AGO3: variants seen among roughly 807,000 people sequenced by gnomAD.
AGO3 encodes protein argonaute-3.
A neutral mutation model predicts 105.5 loss-of-function variants in AGO3; 16 were observed. The observed-to-expected ratio is 0.15, with a 90% confidence interval of 0.10 to 0.23. AGO3 has a LOEUF of 0.23. Among genes scored for constraint, AGO3 ranks in the 10% least tolerant of loss-of-function variants. AGO3 has a pLI of 1.00. For synonymous variants in AGO3, 340 were observed against 367.3 expected, an observed-to-expected ratio of 0.93 and a Z score of 0.85; for missense variants, 534 against 1,088.0, an observed-to-expected ratio of 0.49 and a Z score of 7.16.
At position 36,060,114 on chromosome 1, in the gene AGO3, G is replaced by C. The variant is rs1643011718; in HGVS notation, c.*4369G>C. On this transcript the variant is annotated 3_prime_UTR_variant, in exon 19 of 19. Transcript: ENST00000373191. The stretch of plus-strand genomic sequence containing the variant: ...CAGGGATTCTAGTAGGAATTACTGA[G>C]TGTTTTGGAAGGCACTTGATAGAGG... 1 of 152,180 alleles carries C rather than the reference G, an allele frequency of 6.6e-6. No homozygotes were observed. Among genetic ancestry groups the C allele is most frequent in the Admixed American group, 6.5e-5 (1 of 15,272 alleles). 9.4% of individuals were successfully genotyped at this position (152,180 alleles called of 1,614,324 possible). A position where few individuals can be genotyped will look rare whatever the true frequency, so the allele number is the denominator to read the frequency against.
intron 3 of AGO3, among the ~76,000 whole-genome samples, chr1:35,970,984 C>A (rs1344333270): frequency 6.8e-6 from 1 of 147,040 alleles, no homozygotes; most frequent in African/African-American, 2.5e-5. Context: ...GCCTCAGCGT[C>A]CCAAAGTGCT....
In AGO3 at chr1:35,945,778, T is replaced by A; in HGVS notation, c.106T>A (p.Cys36Ser). The change falls in exon 2 of 19, where the codon TGT becomes AGT. Residue 36 changes from cysteine to serine, a missense_variant. By Grantham distance (112) the Cys-to-Ser change is moderately radical. Coordinates refer to ENST00000373191, the MANE Select transcript of AGO3 (RefSeq NM_024852.4). Reference protein sequence around the residue: ...MGKPIKLLANCFQVEIPKIDV... With the variant: ...MGKPIKLLANSFQVEIPKIDV... The stretch of plus-strand genomic sequence containing the variant: ...CAAACCCATTAAACTGCTGGCTAAC[T>A]GTTTTCAAGTTGAAATCCCAAAGAT... The A allele has an allele frequency of 6.2e-7, 1 of 1,613,770 alleles. No homozygotes were observed. Among genetic ancestry groups the A allele is most frequent in the Non-Finnish European group, 8.5e-7 (1 of 1,180,002 alleles).
chr1:35,967,570 A>T (rs1161553375), intron 3 of AGO3, among the ~76,000 whole-genome samples: 1 of 151,206 alleles, frequency 6.6e-6, no homozygotes, highest in East Asian at 1.9e-4. Flanking sequence ...ACGTGCTACC[A>T]CTCTTGGCTA....
In AGO3 at chr1:36,003,710, ATATATATATAT is replaced by A. The variant is rs1252408155; in HGVS notation, c.659-630_659-620del. 8.8e-5 allele frequency among the ~76,000 whole-genome samples: 7 copies of A among 79,296 alleles called. No individual in the cohort carries two copies. The South Asian group carries it at 1.3e-3, about 15-fold the overall frequency. The allele number at this position is 79,296 out of a possible 152,430, so 52.0% of individuals were successfully genotyped here. A position where few individuals can be genotyped will look rare whatever the true frequency, so the allele number is the denominator to read the frequency against. On this transcript the variant is annotated intron_variant, in intron 5 of 18. Transcript: ENST00000373191. ...AGTCTGTCTCAAAAAAAAAAAAAAA[ATATATATATAT>A]ATATATATATATATATATGTATATT...
At chr1:35,973,236 A>G in intron 4 of AGO3, 139 bp from the exon 5 acceptor site, 1 of 993,446 alleles carries the variant, frequency 1.0e-6, no homozygotes, top group Non-Finnish European at 1.3e-6. Flanking sequence ...TGCTTTCTCA[A>G]ATTTGGAACA....
chr1:36,020,603 A>G (rs1458008906), intron 11 of AGO3, among the ~76,000 whole-genome samples: 7 of 152,042 alleles, frequency 4.6e-5, no homozygotes, highest in Non-Finnish European at 8.8e-5. Flanking sequence ...AATAACTGCC[A>G]TACATTTATT....
chr1:35,977,081 A>G (rs996942318), intron 5 of AGO3, among the ~76,000 whole-genome samples: 2 of 151,924 alleles, frequency 1.3e-5, no homozygotes, highest in Non-Finnish European at 2.9e-5. Context: ...TTTATCGTAC[A>G]ATTAAAAATA....
At chr1:36,037,453 G>T (rs940946814) in intron 14 of AGO3, among the ~76,000 whole-genome samples, 1 of 152,096 alleles carries the variant, frequency 6.6e-6, no homozygotes, top group Non-Finnish European at 1.5e-5. Flanking sequence ...CTCGGGAGGC[G>T]GAGGTTGCAG....
chr1:36,045,745 G>T (rs529312663), intron 17 of AGO3, among the ~76,000 whole-genome samples: 1 of 152,184 alleles, frequency 6.6e-6, no homozygotes, highest in African/African-American at 2.4e-5. Flanking sequence ...GTTTCACCAT[G>T]TTGGCCAGGA....
intron 17 of AGO3, 28 bp downstream of exon 17, chr1:36,043,576 T>G: frequency 6.6e-7 from 1 of 1,522,824 alleles, no homozygotes; most frequent in South Asian, 1.2e-5. Context: ...GTAAAATATT[T>G]TAATTCAAGA....
intron 12 of AGO3, among the ~76,000 whole-genome samples, chr1:36,032,009 G>A (rs915726236): frequency 3.9e-5 from 6 of 152,094 alleles, no homozygotes; most frequent in Non-Finnish European, 8.8e-5. Context: ...ATGCTGCTAT[G>A]AACATAGGTG....
chr1:36,003,709 A>AAAAAAAAATAT (rs1295618675), intron 5 of AGO3, among the ~76,000 whole-genome samples: 37 of 99,430 alleles, frequency 3.7e-4, no homozygotes, highest in South Asian at 7.6e-4. Context: ...AAAAAAAAAA[A>AAAAAAAAATAT]ATATATATAT....
chr1:36,054,198 T>C (rs1236651810), intron 17 of AGO3, among the ~76,000 whole-genome samples: 1 of 152,146 alleles, frequency 6.6e-6, no homozygotes. Flanking sequence ...AAATAACCAA[T>C]AATATTTCAC....
intron 5 of AGO3, among the ~76,000 whole-genome samples, chr1:35,977,382 GTTA>G (rs1646972916): frequency 6.9e-6 from 1 of 145,340 alleles, no homozygotes; most frequent in South Asian, 2.2e-4. Flanking sequence ...AGTTTCTATC[GTTA>G]TTATGATTTT....
Position 36,055,685 on chromosome 1 carries a change from A to G in AGO3, c.2523A>G (p.Gln841=). 1.9e-6 allele frequency: 3 copies of G among 1,613,618 alleles called. No individual in the cohort carries two copies. The highest frequency in any genetic ancestry group is 2.5e-6 in the Non-Finnish European group (3 of 1,179,782). The part of the protein sequence containing the change: ...VSGQSNGRDP[Q]ALAKAVQIHQ... ...GACAAAGCAATGGGCGAGATCCACA[A>G]GCTCTTGCCAAGGCTGTACAGATTC... is the stretch of plus-strand genomic sequence containing the variant. Residue 841 remains glutamine, a synonymous_variant, in exon 19 of 19, where the codon CAA becomes CAG. Transcript: ENST00000373191. This position sits in a 1 kb window ranked among gnomAD's most constrained non-coding sequence, Gnocchi z 4.4.
intron 12 of AGO3, among the ~76,000 whole-genome samples, chr1:36,033,385 A>G (rs1641868730): frequency 6.6e-6 from 1 of 151,508 alleles, no homozygotes; most frequent in African/African-American, 2.4e-5. Flanking sequence ...CTTGCCTGTA[A>G]TCCCAACACT....
intron 5 of AGO3, among the ~76,000 whole-genome samples, chr1:35,989,736 G>A (rs867984823): frequency 3.3e-5 from 5 of 151,932 alleles, no homozygotes; most frequent in Non-Finnish European, 7.4e-5. Flanking sequence ...TTAGCCAGGC[G>A]TGATAGCATG....
intron 8 of AGO3, 163 bp from the exon 9 acceptor site, chr1:36,009,312 T>C: frequency 1.1e-6 from 1 of 872,390 alleles, no homozygotes; most frequent in South Asian, 2.2e-5. Context: ...TTATACTTAA[T>C]TACTGTAGAG....
intron 5 of AGO3, among the ~76,000 whole-genome samples, chr1:35,987,333 A>C (rs914751699): frequency 6.6e-6 from 1 of 151,318 alleles, no homozygotes; most frequent in African/African-American, 2.4e-5. Context: ...GTCTCAGAAA[A>C]AAAAAAAAAA....
Sources: allele counts gnomAD v4.1 joint callset (sites outside exome capture counted in the v4.1 genomes callset), GRCh38; gene constraint gnomAD v4.1.1; non-coding constraint Gnocchi (gnomAD v3.1); transcripts MANE v1.5; gene names NCBI Gene and HGNC (gene_info 2026-07-23, HGNC 2026-07-21).